Variants in MTUS1 observed in about 807,000 individuals in gnomAD.
MTUS1 encodes microtubule-associated tumor suppressor 1.
MTUS1 carries 109 observed loss-of-function variants against 120.8 expected under a neutral mutation model. The observed-to-expected ratio is 0.90, with a 90% confidence interval of 0.77 to 1.06. The LOEUF (loss-of-function observed/expected upper bound fraction) is 1.06. MTUS1 is among the 50% of genes least tolerant of loss of function. The pLI is 0.00. For synonymous variants in MTUS1, 737 were observed against 550.5 expected, an observed-to-expected ratio of 1.34 and a Z score of -4.74; for missense variants, 2,210 against 1,486.3, an observed-to-expected ratio of 1.49 and a Z score of -8.01.
chr8:17,682,980 G>C (rs1446530210), intron 7 of MTUS1, among the ~76,000 whole-genome samples: 2 of 152,120 alleles, frequency 1.3e-5, no homozygotes, highest in Non-Finnish European at 2.9e-5. Flanking sequence ...TACTCATCAA[G>C]AAATCATTAA....
intron 3 of MTUS1, among the ~76,000 whole-genome samples, chr8:17,731,978 T>A (rs1352721230): frequency 1.3e-5 from 2 of 152,176 alleles, no homozygotes; most frequent in East Asian, 3.9e-4. Flanking sequence ...TCTGTACCCA[T>A]CAGACATAAG....
intron 3 of MTUS1, among the ~76,000 whole-genome samples, chr8:17,732,212 T>C (rs556589355): frequency 6.6e-6 from 1 of 152,316 alleles, no homozygotes; most frequent in East Asian, 1.9e-4. Flanking sequence ...AAAGAGGACA[T>C]TTATGAATCG....
At position 17,659,729 on chromosome 8, in the gene MTUS1, G is replaced by C. The variant is rs932547990; in HGVS notation, c.2906-3664C>G. On this transcript the variant is annotated intron_variant, in intron 8 of 14. Coordinates refer to ENST00000693296, the MANE Select transcript of MTUS1 (RefSeq NM_001363059.2). ...AAAACAAAAAAACTGTGATGAAGCA[G>C]ATACCAAATTAACCATTTTAATTAT... 5.3e-5 allele frequency among the ~76,000 whole-genome samples: 8 copies of C among 152,136 alleles called. No individual in the cohort carries two copies. The East Asian group carries it at 1.3e-3, about 26-fold the overall frequency.
intron 6 of MTUS1, among the ~76,000 whole-genome samples, chr8:17,687,920 C>T (rs997009222): frequency 6.6e-6 from 1 of 152,192 alleles, no homozygotes; most frequent in South Asian, 2.1e-4. Flanking sequence ...GCTCAAATCA[C>T]TTAGGCAAAT....
intron 3 of MTUS1, among the ~76,000 whole-genome samples, chr8:17,734,605 C>T (rs2131199917): frequency 6.6e-6 from 1 of 152,260 alleles, no homozygotes; most frequent in African/African-American, 2.4e-5. Context: ...AAATAACTGC[C>T]TTAGTCACAG....
intron 1 of MTUS1, among the ~76,000 whole-genome samples, chr8:17,793,141 G>A (rs924832268): frequency 1.3e-5 from 2 of 152,216 alleles, no homozygotes; most frequent in African/African-American, 4.8e-5. Flanking sequence ...GCGATTGTCT[G>A]CACGAATAGG....
chr8:17,713,188 T>C (rs1274999864), intron 6 of MTUS1, 26 bp downstream of exon 6: 1 of 1,563,098 alleles, frequency 6.4e-7, no homozygotes, highest in East Asian at 2.2e-5. Context: ...ATTCTTTTTA[T>C]CGCCATCCAT....
chr8:17,767,707 A>AACAAACAAACAAACAAACAAAC (rs1554533232), intron 1 of MTUS1, among the ~76,000 whole-genome samples: 1 of 144,444 alleles, frequency 6.9e-6, no homozygotes, highest in Non-Finnish European at 1.5e-5. Context: ...TCTTAAAAAA[A>AACAAACAAACAAACAAACAAAC]AAAAAAAAAA....
intron 1 of MTUS1, among the ~76,000 whole-genome samples, chr8:17,762,386 T>C (rs905631926): frequency 1.3e-5 from 2 of 152,210 alleles, no homozygotes; most frequent in Admixed American, 6.5e-5. Context: ...GTTAAAACCA[T>C]TCAAGGTAGC....
chr8:17,729,644 G>T (rs1012587873), intron 3 of MTUS1, among the ~76,000 whole-genome samples: 2 of 152,080 alleles, frequency 1.3e-5, no homozygotes, highest in Non-Finnish European at 2.9e-5. Context: ...ATTCTTCCAT[G>T]AATTGATATC....
chr8:17,800,972 C>G (rs1356660616), intron 1 of MTUS1, 89 bp downstream of exon 1: 1 of 152,284 alleles, frequency 6.6e-6, no homozygotes, highest in Non-Finnish European at 1.5e-5. Flanking sequence ...TCCCCGAGGA[C>G]CGGTCCCGTC....
chr8:17,783,450 G>A (rs116280670), intron 1 of MTUS1, among the ~76,000 whole-genome samples: 2 of 152,206 alleles, frequency 1.3e-5, no homozygotes, highest in East Asian at 1.9e-4. Flanking sequence ...TCTTAGATGG[G>A]AGTGTAGGAA....
chr8:17,657,291 G>A (rs913436806), intron 8 of MTUS1, among the ~76,000 whole-genome samples: 15 of 151,790 alleles, frequency 9.9e-5, no homozygotes, highest in African/African-American at 2.9e-4. Context: ...AGCTGAGACC[G>A]GGCGCGGTGG....
At chr8:17,793,663 T>C (rs535532925) in intron 1 of MTUS1, among the ~76,000 whole-genome samples, 11 of 152,226 alleles carry the variant, frequency 7.2e-5, no homozygotes, top group African/African-American at 2.4e-4. Context: ...AAGATTCTCA[T>C]TGAGAGAAAT....
At chr8:17,774,423 G>A (rs750058006) in intron 1 of MTUS1, among the ~76,000 whole-genome samples, 1 of 152,194 alleles carries the variant, frequency 6.6e-6, no homozygotes, top group Non-Finnish European at 1.5e-5. Context: ...GAAAATGAAA[G>A]TAAGTTTACC....
intron 13 of MTUS1, among the ~76,000 whole-genome samples, chr8:17,648,449 G>A (rs937963518): frequency 1.3e-5 from 2 of 152,188 alleles, no homozygotes; most frequent in Non-Finnish European, 2.9e-5. Context: ...ATGCATGAAT[G>A]GCATATGGAG....
chr8:17,669,142 T>A (rs17125048), intron 8 of MTUS1, among the ~76,000 whole-genome samples: 100,393 of 152,062 alleles, frequency 0.66, 33,857 homozygotes, highest in Middle Eastern at 0.84. Context: ...TAAACAAATC[T>A]CTGTAAGAAC....
intron 8 of MTUS1, among the ~76,000 whole-genome samples, chr8:17,664,678 C>T (rs775004158): frequency 1.3e-5 from 2 of 152,120 alleles, no homozygotes; most frequent in African/African-American, 4.8e-5. Context: ...CCCCCAGAAG[C>T]AGGAGGGGAC....
chr8:17,689,843 G>C (rs1297611545), intron 6 of MTUS1, among the ~76,000 whole-genome samples: 1 of 136,820 alleles, frequency 7.3e-6, no homozygotes, highest in Non-Finnish European at 1.5e-5. Flanking sequence ...AGAAACTGGA[G>C]ACCTATCTCT....
Sources: allele counts gnomAD v4.1 joint callset (sites outside exome capture counted in the v4.1 genomes callset), GRCh38; gene constraint gnomAD v4.1.1; transcripts MANE v1.5; gene names NCBI Gene and HGNC (gene_info 2026-07-23, HGNC 2026-07-21).